SGMS1: variants seen among roughly 807,000 people sequenced by gnomAD.
The protein encoded by SGMS1 is sphingomyelin synthase 1.
A neutral mutation model predicts 46.2 loss-of-function variants in SGMS1; 13 were observed. The observed-to-expected ratio is 0.28, with a 90% CI of 0.18 to 0.45. SGMS1 has a LOEUF of 0.45. Ranked by LOEUF, SGMS1 falls within the 20% of genes least tolerant of loss-of-function variation. SGMS1 has a pLI of 1.00. For missense variants in SGMS1, 324 were observed against 519.9 expected (o/e 0.62, Z 3.66); for synonymous variants, 203 against 187.8 (o/e 1.08, Z -0.66).
chr10:50,380,601 A>G (rs1421204872), intron 6 of SGMS1, among the ~76,000 whole-genome samples: 1 of 152,084 alleles, frequency 6.6e-6, no homozygotes. Context: ...GCCACTGCCT[A>G]CCTGGCTTCG....
intron 2 of SGMS1, among the ~76,000 whole-genome samples, chr10:50,559,908 G>A (rs745395028): frequency 1.2e-4 from 18 of 151,858 alleles, no homozygotes; most frequent in Non-Finnish European, 1.3e-4. Context: ...TTTATACACA[G>A]GAAAAGAAAG....
upstream of SGMS1, chr10:50,624,241 A>T: frequency 2.0e-6 from 1 of 497,638 alleles, no homozygotes; most frequent in Non-Finnish European, 2.6e-6. Flanking sequence ...ACAATCTGGG[A>T]CGGTAAATCC....
intron 2 of SGMS1, among the ~76,000 whole-genome samples, chr10:50,547,906 G>A (rs1048020093): frequency 6.6e-6 from 1 of 152,148 alleles, no homozygotes; most frequent in Admixed American, 6.5e-5. Flanking sequence ...ATCAATAAAT[G>A]CAATTCATCA....
chr10:50,605,173 C>A (rs565412696), intron 1 of SGMS1, among the ~76,000 whole-genome samples: 1 of 152,296 alleles, frequency 6.6e-6, no homozygotes, highest in South Asian at 2.1e-4. Context: ...CAGTGGGGAG[C>A]ATACTGCTCT....
chr10:50,582,566 GATTAAACCATCAGCAA>G (rs1200107979), intron 2 of SGMS1, among the ~76,000 whole-genome samples: 1 of 152,150 alleles, frequency 6.6e-6, no homozygotes, highest in Non-Finnish European at 1.5e-5. Flanking sequence ...TACTGGATCT[GATTAAACCATCAGCAA>G]ACATTTCCCA....
At chr10:50,520,997 G>A (rs1837852698) in intron 2 of SGMS1, among the ~76,000 whole-genome samples, 1 of 151,622 alleles carries the variant, frequency 6.6e-6, no homozygotes, top group African/African-American at 2.4e-5. Flanking sequence ...TCCCACCTCA[G>A]CCTCCCAAAC....
upstream of SGMS1, chr10:50,624,763 G>C (rs1437887590): frequency 2.0e-6 from 2 of 985,344 alleles, no homozygotes; most frequent in Non-Finnish European, 2.4e-6. Context: ...AGTTAGGATG[G>C]ACAGCGGGGA....
intron 3 of SGMS1, among the ~76,000 whole-genome samples, chr10:50,492,503 C>A: frequency 6.6e-6 from 1 of 152,192 alleles, no homozygotes. Flanking sequence ...TTCCTACACA[C>A]CAACAATAGT....
intron 1 of SGMS1, among the ~76,000 whole-genome samples, chr10:50,595,539 G>A (rs1838583445): frequency 1.3e-5 from 2 of 152,142 alleles, no homozygotes; most frequent in South Asian, 2.1e-4. Flanking sequence ...CATTTTATAG[G>A]TGAAGAATCA....
chr10:50,533,184 A>T (rs1837970415), intron 2 of SGMS1, among the ~76,000 whole-genome samples: 1 of 152,234 alleles, frequency 6.6e-6, no homozygotes, highest in African/African-American at 2.4e-5. Flanking sequence ...ACTATTATAC[A>T]AGTATTGCAA....
chr10:50,517,258 A>T (rs3011774), intron 3 of SGMS1, among the ~76,000 whole-genome samples: 151,536 of 152,318 alleles, frequency 0.99, 75,386 homozygotes, highest in East Asian at 1. Flanking sequence ...GATACTGGCA[A>T]TATCAAATAT....
At chr10:50,431,377 A>C (rs893213669) in intron 6 of SGMS1, among the ~76,000 whole-genome samples, 7 of 152,234 alleles carry the variant, frequency 4.6e-5, no homozygotes, top group Non-Finnish European at 1.5e-5. Context: ...ATGTTTTGAA[A>C]TATCCAAGGC....
intron 2 of SGMS1, among the ~76,000 whole-genome samples, chr10:50,574,506 G>C (rs1044471839): frequency 6.6e-6 from 1 of 152,174 alleles, no homozygotes; most frequent in African/African-American, 2.4e-5. Flanking sequence ...GTGCTAGTAA[G>C]GTCAGGGAGA....
chr10:50,543,680 C>G (rs757216951), intron 2 of SGMS1, among the ~76,000 whole-genome samples: 1 of 152,164 alleles, frequency 6.6e-6, no homozygotes, highest in African/African-American at 2.4e-5. Context: ...AACTTCCTTA[C>G]GAATCCCAAA....
chr10:50,311,637 A>T (rs575758871), intron 8 of SGMS1, among the ~76,000 whole-genome samples: 1 of 152,346 alleles, frequency 6.6e-6, no homozygotes, highest in South Asian at 2.1e-4. Context: ...GACTTTTCAC[A>T]GTTAGCACTT....
intron 4 of SGMS1, among the ~76,000 whole-genome samples, chr10:50,464,997 G>T (rs1837312959): frequency 6.6e-6 from 1 of 152,166 alleles, no homozygotes; most frequent in Admixed American, 6.5e-5. Context: ...CGAAAGCATT[G>T]GATCTAGGCA....
chr10:50,401,554 T>C (rs1232959968), intron 6 of SGMS1, among the ~76,000 whole-genome samples: 1 of 152,110 alleles, frequency 6.6e-6, no homozygotes, highest in African/African-American at 2.4e-5. Context: ...TCTCAGGTGG[T>C]TCACACTCTA....
At chr10:50,325,698 G>C (rs560468943) in intron 8 of SGMS1, among the ~76,000 whole-genome samples, 2 of 152,206 alleles carry the variant, frequency 1.3e-5, no homozygotes, top group Non-Finnish European at 2.9e-5. Context: ...AACCAGAGTA[G>C]GGAGAAAGGC....
chr10:50,342,704 C>T (rs1847839211), intron 7 of SGMS1: 1 of 152,138 alleles, frequency 6.6e-6, no homozygotes. Context: ...TCATGGAAAC[C>T]ATAAGGCGTT....
Sources: gnomAD v4.1 joint callset for allele counts (sites outside exome capture counted in the v4.1 genomes callset) on GRCh38, gnomAD v4.1.1 for gene constraint, MANE v1.5 for transcripts, NCBI Gene and HGNC (gene_info 2026-07-23, HGNC 2026-07-21) for gene names.